The following TEX19 variants were observed in gnomAD, a reference collection of about 807,000 sequenced individuals.
TEX19 encodes testis expressed 19.
For synonymous variants in TEX19, 77 were observed against 73.9 expected (o/e 1.04, Z -0.21); for missense variants, 184 against 194.4 (o/e 0.95, Z 0.32).
intron 1 of TEX19, among the ~76,000 whole-genome samples, chr17:82,360,919 G>A (rs1395898287): frequency 1.3e-5 from 1 of 79,256 alleles, no homozygotes; most frequent in South Asian, 3.8e-4. Context: ...TTTCCCTCAG[G>A]TTCCCCCAGT....
At chr17:82,360,562 A>C (rs1464451187) in intron 1 of TEX19, among the ~76,000 whole-genome samples, 278 of 36,586 alleles carry the variant, frequency 7.6e-3, no homozygotes, top group Middle Eastern at 0.05. Context: ...AGTTTCCCTC[A>C]AGTTTCCCTC....
chr17:82,363,581 C>T lies in TEX19; in HGVS notation c.*936C>T, dbSNP rs959292164. ...CAGAACACACCAGAATCTGTGGTGA[C>T]CTGGATGTGTTCTCGACTTTGCCAG... On this transcript the variant is annotated 3_prime_UTR_variant, in exon 2 of 2. Coordinates refer to ENST00000333437, the MANE Select transcript of TEX19 (RefSeq NM_207459.4). 6.0e-6 allele frequency: 1 copy of T among 166,980 alleles called. No homozygotes were observed. The allele number at this position is 166,980 out of a possible 1,614,324, so 10.3% of individuals were successfully genotyped here. A position where few individuals can be genotyped will look rare whatever the true frequency, so the allele number is the denominator to read the frequency against.
At chr17:82,359,984 T>C (rs1309523694) in intron 1 of TEX19, among the ~76,000 whole-genome samples, 2 of 86,100 alleles carry the variant, frequency 2.3e-5, no homozygotes, top group East Asian at 4.3e-4. Context: ...TCAGTTTCCC[T>C]CAAGTTTCCC....
At chr17:82,360,029 G>T (rs868757093) in intron 1 of TEX19, among the ~76,000 whole-genome samples, 37 of 96,414 alleles carry the variant, frequency 3.8e-4, no homozygotes, top group Non-Finnish European at 6.4e-4. Flanking sequence ...GTTCCCTCAG[G>T]TTCCCCCAGT....
Position 82,362,109 on chromosome 17 carries a change from A to G in TEX19, c.-42A>G, listed in dbSNP as rs748911157. ...ACCGTCCAAGATCCTCTGAAGGCCC[A>G]GCTCTTGCTGTCCACCCCGGCAGTA... On this transcript the variant is annotated 5_prime_UTR_variant, in exon 2 of 2. Transcript: ENST00000333437. This position sits in a 1 kb window ranked among gnomAD's most constrained non-coding sequence, Gnocchi z 5.5. 6.4e-7 allele frequency: 1 copy of G among 1,566,068 alleles called. No individual in the cohort carries two copies. The highest frequency in any genetic ancestry group is 1.3e-5 in the African/African-American group (1 of 74,296).
rs1374443085 is a variant in TEX19 at position 82,362,142 on chromosome 17, A to G, written c.-9A>G. ...CTGTCCACCCCGGCAGTAGGCAGGCAGCCTGGCCATGTGCCCTCCGGTCAG... is the reference window on the plus strand; with the variant it reads ...CTGTCCACCCCGGCAGTAGGCAGGCGGCCTGGCCATGTGCCCTCCGGTCAG... On this transcript the variant is annotated 5_prime_UTR_variant, in exon 2 of 2. Transcript: ENST00000333437. This position sits in a 1 kb window ranked among gnomAD's most constrained non-coding sequence, Gnocchi z 5.5. 3 of 1,593,046 alleles carry G rather than the reference A, an allele frequency of 1.9e-6. No individual in the cohort carries two copies. Among genetic ancestry groups the G allele is most frequent in the African/African-American group, 1.3e-5 (1 of 74,800 alleles).
Position 82,359,848 on chromosome 17 carries a change from C to T in TEX19, c.-272+563C>T, listed in dbSNP as rs1469253467. 7.0e-3 allele frequency among the ~76,000 whole-genome samples: 612 copies of T among 87,292 alleles called. 23 individuals are homozygous for T. Among genetic ancestry groups the T allele is most frequent in the Middle Eastern group, 0.011 (1 of 92 alleles). The allele number at this position is 87,292 out of a possible 152,430, so 57.3% of individuals were successfully genotyped here. On this transcript the variant is annotated intron_variant, in intron 1 of 1. Coordinates refer to ENST00000333437, the MANE Select transcript of TEX19 (RefSeq NM_207459.4). Reference sequence around the variant, plus strand: ...AGGTTCCCCCAGTTTCCCTCAAGTTCCCCTCAGGTTCCCCCAGTTTCCCTC... The same window carrying T: ...AGGTTCCCCCAGTTTCCCTCAAGTTTCCCTCAGGTTCCCCCAGTTTCCCTC...
At chr17:82,360,786 AG>A (rs2052382134) in intron 1 of TEX19, among the ~76,000 whole-genome samples, 1 of 74,452 alleles carries the variant, frequency 1.3e-5, no homozygotes, top group Non-Finnish European at 2.5e-5. Flanking sequence ...AGTTTCCCTC[AG>A]GTTCCCCCAG....
intron 1 of TEX19, 73 bp from the exon 2 acceptor site, chr17:82,361,807 C>T: frequency 9.1e-7 from 1 of 1,096,388 alleles, no homozygotes; most frequent in African/African-American, 1.6e-5. Context: ...CATCCCTGCC[C>T]CTGCTGGTCC....
In TEX19 at chr17:82,362,313, G is replaced by A. The variant is rs1599669625; in HGVS notation, c.163G>A (p.Glu55Lys). ...AGACTTGCTGGAGTCAGAGGACTGG[G>A]AAGAAGACAACTGGGACCCTGAGCT... The part of the protein sequence containing the change: ...FKDLLESEDW[E>K]EDNWDPELME... The change falls in exon 2 of 2, where the codon GAA (glutamate) becomes AAA (lysine). Residue 55 changes from glutamate to lysine, a missense_variant. Transcript: ENST00000333437. The surrounding 1 kb of genome is among the most constrained non-coding windows in gnomAD (Gnocchi z 5.5). The A allele has an allele frequency of 1.2e-6, 2 of 1,613,996 alleles. No homozygotes were observed. Among genetic ancestry groups the A allele is most frequent in the East Asian group, 2.2e-5 (1 of 44,892 alleles).
intron 1 of TEX19, 162 bp from the exon 2 acceptor site, chr17:82,361,718 G>A: frequency 2.0e-6 from 2 of 985,334 alleles, no homozygotes; most frequent in Non-Finnish European, 2.4e-6. Context: ...GAGGTCGGAT[G>A]GAGGAACTGA....
rs1403014449 is a variant in TEX19, at chr17:82,362,526, C to T, written c.376C>T (p.Pro126Ser). The change falls in exon 2 of 2, where the codon CCT becomes TCT. Residue 126 changes from proline (P) to serine (S), a missense_variant. By Grantham distance (74) the Pro-to-Ser change is moderately conservative. Coordinates refer to ENST00000333437, the MANE Select transcript of TEX19 (RefSeq NM_207459.4). This position sits in a 1 kb window ranked among gnomAD's most constrained non-coding sequence, Gnocchi z 5.5. ...DPHFVPTELWPQEAVPLGLGL... is the reference protein window; with the variant it reads ...DPHFVPTELWSQEAVPLGLGL... The stretch of plus-strand genomic sequence containing the variant: ...CCACTTTGTCCCCACTGAACTATGG[C>T]CTCAGGAGGCTGTGCCCCTGGGCCT... 1 of 1,612,740 alleles carries T rather than the reference C, an allele frequency of 6.2e-7. No homozygotes were observed. Among genetic ancestry groups the T allele is most frequent in the Admixed American group, 1.7e-5 (1 of 59,990 alleles).
In TEX19 at chr17:82,362,107, C is replaced by G; in HGVS notation, c.-44C>G. On this transcript the variant is annotated 5_prime_UTR_variant, in exon 2 of 2. Coordinates refer to ENST00000333437, the MANE Select transcript of TEX19 (RefSeq NM_207459.4). The surrounding 1 kb of genome is among the most constrained non-coding windows in gnomAD (Gnocchi z 5.5). ...AGACCGTCCAAGATCCTCTGAAGGC[C>G]CAGCTCTTGCTGTCCACCCCGGCAG... is the stretch of plus-strand genomic sequence containing the variant. 1 of 1,564,894 alleles carries G rather than the reference C, an allele frequency of 6.4e-7. No homozygotes were observed. The highest frequency in any genetic ancestry group is 8.6e-7 in the Non-Finnish European group (1 of 1,158,876).
Position 82,362,608 on chromosome 17 carries a change from T to A in TEX19, c.458T>A (p.Leu153His), listed in dbSNP as rs1172125146. Residue 153 changes from leucine to histidine, a missense_variant, in exon 2 of 2, where the codon CTT (leucine) becomes CAT (histidine). Coordinates refer to ENST00000333437, the MANE Select transcript of TEX19 (RefSeq NM_207459.4). The surrounding 1 kb of genome is among the most constrained non-coding windows in gnomAD (Gnocchi z 5.5). ...CTTCCCTGGAGATTTGAGGAGCTTC[T>A]TACCTGCTCACACTGGCCAAGCTTC... is the stretch of plus-strand genomic sequence containing the variant. ...QGLPWRFEELLTCSHWPSFFP... is the reference protein window; with the variant it reads ...QGLPWRFEELHTCSHWPSFFP... 3.2e-6 allele frequency: 5 copies of A among 1,577,712 alleles called. No homozygotes were observed. Among genetic ancestry groups the A allele is most frequent in the Non-Finnish European group, 4.3e-6 (5 of 1,167,110 alleles).
rs866221800 is a variant in TEX19, at chr17:82,360,989, T to G, written c.-271-891T>G. ...CCCAGTTTCCCTCAGGTTCCCTCAG[T>G]TTTCCCCAGTTTCCCTCAGGTTCCC... On this transcript the variant is annotated intron_variant, in intron 1 of 1. Coordinates refer to ENST00000333437, the MANE Select transcript of TEX19 (RefSeq NM_207459.4). Among the ~76,000 whole-genome samples, 86 of 23,098 alleles carry G rather than the reference T, an allele frequency of 3.7e-3. 1 individual carries two copies. Among genetic ancestry groups the G allele is most frequent in the African/African-American group, 4.9e-3 (32 of 6,478 alleles). 15.2% of individuals were successfully genotyped at this position (23,098 alleles called of 152,430 possible). A position where few individuals can be genotyped will look rare whatever the true frequency, so the allele number is the denominator to read the frequency against.
chr17:82,359,316 A>T (rs2052354679), intron 1 of TEX19, 31 bp downstream of exon 1: 1 of 152,230 alleles, frequency 6.6e-6, no homozygotes, highest in African/African-American at 2.4e-5. Flanking sequence ...GTCTCTGAGG[A>T]GGGGTCTCGG....
At chr17:82,361,784 G>A in intron 1 of TEX19, 96 bp from the exon 2 acceptor site, 1 of 1,089,144 alleles carries the variant, frequency 9.2e-7, no homozygotes, top group Non-Finnish European at 1.1e-6. Flanking sequence ...TAAAGGGCCA[G>A]TCTGAACCCC....
rs373933414 is a variant in TEX19, at chr17:82,361,559, G to A, written c.-271-321G>A. On this transcript the variant is annotated intron_variant, in intron 1 of 1. Transcript: ENST00000333437. Reference sequence around the variant, plus strand: ...CCCCAGTTTCCCTCAGGTTCCCTCAGGTTCCCCCAGTTTCCTTCAGGTTCC... The same window carrying A: ...CCCCAGTTTCCCTCAGGTTCCCTCAAGTTCCCCCAGTTTCCTTCAGGTTCC... The A allele has an allele frequency of 1.7e-4, 156 of 927,996 alleles. 2 individuals carry two copies. In the African/African-American group the frequency reaches 2.2e-3, roughly 13 times the overall value. The allele number at this position is 927,996 out of a possible 1,614,324, so 57.5% of individuals were successfully genotyped here.
At position 82,362,541 on chromosome 17, in the gene TEX19, C is replaced by T; in HGVS notation, c.391C>T (p.Pro131Ser). The T allele has an allele frequency of 1.2e-6, 2 of 1,612,596 alleles. No individual in the cohort carries two copies. The highest frequency in any genetic ancestry group is 1.7e-6 in the Non-Finnish European group (2 of 1,179,804). Reference sequence around the variant, plus strand: ...TGAACTATGGCCTCAGGAGGCTGTGCCCCTGGGCCTGGGCCTTGAGGATGC... The same window carrying T: ...TGAACTATGGCCTCAGGAGGCTGTGTCCCTGGGCCTGGGCCTTGAGGATGC... ...PTELWPQEAVPLGLGLEDADW... is the reference protein window; with the variant it reads ...PTELWPQEAVSLGLGLEDADW... Residue 131 changes from proline to serine, a missense_variant, in exon 2 of 2, where the codon CCC (proline) becomes TCC (serine). Coordinates refer to ENST00000333437, the MANE Select transcript of TEX19 (RefSeq NM_207459.4). This position sits in a 1 kb window ranked among gnomAD's most constrained non-coding sequence, Gnocchi z 5.5.
Sources: allele counts gnomAD v4.1 joint callset (sites outside exome capture counted in the v4.1 genomes callset), GRCh38; gene constraint gnomAD v4.1.1; non-coding constraint Gnocchi (gnomAD v3.1); transcripts MANE v1.5; gene names NCBI Gene and HGNC (gene_info 2026-07-23, HGNC 2026-07-21).